The following JCAD variants were observed in gnomAD, a reference collection of about 807,000 sequenced individuals.
JCAD encodes the protein junctional cadherin 5 associated.
In JCAD, 40 loss-of-function variants were observed where a neutral mutation model predicts 98.0. That is an observed-to-expected ratio of 0.41 (90% CI 0.32 to 0.53). The LOEUF is 0.53. Ranked by LOEUF, JCAD falls within the 20% of genes least tolerant of loss-of-function variation. JCAD has a pLI of 0.31. For synonymous variants in JCAD, 691 were observed against 682.3 expected (o/e 1.01, Z -0.20); for missense variants, 1,705 against 1,738.1 (o/e 0.98, Z 0.34).
chr10:30,035,899 C>A (rs575061035), intron 2 of JCAD, among the ~76,000 whole-genome samples: 8 of 152,158 alleles, frequency 5.3e-5, no homozygotes, highest in Non-Finnish European at 1.0e-4. Flanking sequence ...GTTACACTTG[C>A]CAACAGCCCC....
At chr10:30,048,530 T>C (rs2505085) in intron 1 of JCAD, among the ~76,000 whole-genome samples, 132,324 of 152,166 alleles carry the variant, frequency 0.87, 58,026 homozygotes, top group African/African-American at 0.96. Context: ...ACACACCCAA[T>C]TCACTACACA....
At chr10:30,063,262 A>T (rs1016996882), upstream of JCAD, among the ~76,000 whole-genome samples, 5 of 152,024 alleles carry the variant, frequency 3.3e-5, no homozygotes, top group Non-Finnish European at 7.3e-5. Flanking sequence ...ATGTGCCAGG[A>T]TCCAGCCCTG....
chr10:30,040,175 G>A (rs1191554311), intron 2 of JCAD, among the ~76,000 whole-genome samples: 2 of 152,170 alleles, frequency 1.3e-5, no homozygotes, highest in Non-Finnish European at 2.9e-5. Flanking sequence ...CCTTCACAAT[G>A]CCAGGAAAGA....
chr10:30,048,813 C>A (rs2132645293), intron 1 of JCAD, among the ~76,000 whole-genome samples: 1 of 152,274 alleles, frequency 6.6e-6, no homozygotes, highest in African/African-American at 2.4e-5. Flanking sequence ...GGTAATCCAC[C>A]CGCCTCTGCC....
chr10:30,021,963 G>A (rs1836668135), intron 3 of JCAD, among the ~76,000 whole-genome samples: 1 of 152,104 alleles, frequency 6.6e-6, no homozygotes, highest in Non-Finnish European at 1.5e-5. Flanking sequence ...CCCTCATTTT[G>A]GGCCTCACAC....
chr10:30,042,906 C>G (rs1166910913), intron 2 of JCAD, among the ~76,000 whole-genome samples: 1 of 152,212 alleles, frequency 6.6e-6, no homozygotes, highest in African/African-American at 2.4e-5. Flanking sequence ...AGGGGTCCCA[C>G]AGTCAGGCTT....
In JCAD at chr10:30,017,806, G is replaced by A; in HGVS notation, c.*77C>T. ...GCTTCCAGCTTCTACATGGGGAAGT[G>A]GGGCTGATAGACTAAATCTACCAGC... On this transcript the variant is annotated 3_prime_UTR_variant, in exon 4 of 4. Transcript: ENST00000375377. 2.3e-6 allele frequency: 3 copies of A among 1,324,372 alleles called. No individual in the cohort carries two copies. In the South Asian group the frequency reaches 3.6e-5, roughly 16 times the overall value. The allele number at this position is 1,324,372 out of a possible 1,614,324, so 82.0% of individuals were successfully genotyped here. A position where few individuals can be genotyped will look rare whatever the true frequency, so the allele number is the denominator to read the frequency against.
At chr10:30,044,293 C>T (rs1306338479) in intron 2 of JCAD, among the ~76,000 whole-genome samples, 1 of 152,232 alleles carries the variant, frequency 6.6e-6, no homozygotes, top group East Asian at 1.9e-4. Context: ...TAGGTCTCCA[C>T]TATTCTGTCA....
chr10:30,033,216 G>A (rs187857224), intron 2 of JCAD, among the ~76,000 whole-genome samples: 24 of 152,306 alleles, frequency 1.6e-4, no homozygotes, highest in African/African-American at 5.8e-4. Context: ...ACTTCTTCCA[G>A]TGTAATGAAA....
intron 1 of JCAD, among the ~76,000 whole-genome samples, chr10:30,097,802 G>A (rs906157395): frequency 2.0e-5 from 3 of 151,984 alleles, no homozygotes; most frequent in Non-Finnish European, 2.9e-5. Context: ...AAAGAGACAC[G>A]GGTACAATGG....
At chr10:30,035,948 T>C (rs1167700028) in intron 2 of JCAD, among the ~76,000 whole-genome samples, 1 of 152,106 alleles carries the variant, frequency 6.6e-6, no homozygotes, top group Non-Finnish European at 1.5e-5. Flanking sequence ...GCGAAACAAC[T>C]ACTAGCAACT....
intron 2 of JCAD, chr10:30,044,744 T>A: frequency 1.0e-6 from 1 of 960,294 alleles, no homozygotes; most frequent in African/African-American, 1.8e-5. Context: ...CCAAAGCACT[T>A]TGTTTCTGAT....
chr10:30,057,719 C>T (rs1373937349), intron 1 of JCAD, among the ~76,000 whole-genome samples: 1 of 152,204 alleles, frequency 6.6e-6, no homozygotes, highest in Non-Finnish European at 1.5e-5. Context: ...AATATTTGCT[C>T]GCCCACTCCA....
intron 1 of JCAD, among the ~76,000 whole-genome samples, chr10:30,048,635 G>A (rs1466378094): frequency 1.3e-5 from 2 of 151,756 alleles, no homozygotes; most frequent in Non-Finnish European, 2.9e-5. Context: ...GCATGATCTC[G>A]ACTGCCTGCA....
chr10:30,024,828 T>C (rs1564439987), intron 3 of JCAD, among the ~76,000 whole-genome samples: 1 of 151,834 alleles, frequency 6.6e-6, no homozygotes, highest in Non-Finnish European at 1.5e-5. Context: ...CTTGAGTAGC[T>C]GAGACTACAG....
chr10:30,079,208 G>A (rs949785075), intron 1 of JCAD, among the ~76,000 whole-genome samples: 1 of 152,064 alleles, frequency 6.6e-6, no homozygotes, highest in Non-Finnish European at 1.5e-5. Context: ...TTAGCCGGGC[G>A]TGGTGGCCGG....
intron 1 of JCAD, among the ~76,000 whole-genome samples, chr10:30,114,826 A>AATAG (rs3074824): frequency 0.3 from 45,541 of 150,686 alleles, 7,043 homozygotes; most frequent in Middle Eastern, 0.35. Context: ...TTTAAAGCCG[A>AATAG]ATAGATAGAT....
chr10:30,019,054 T>A (rs1836598793), intron 3 of JCAD, among the ~76,000 whole-genome samples: 1 of 152,002 alleles, frequency 6.6e-6, no homozygotes, highest in Non-Finnish European at 1.5e-5. Context: ...TGACTGGATG[T>A]ATGGATAAAG....
chr10:30,051,411 C>A (rs1023416162), intron 1 of JCAD, among the ~76,000 whole-genome samples: 1 of 152,002 alleles, frequency 6.6e-6, no homozygotes, highest in Non-Finnish European at 1.5e-5. Context: ...CATGCAATTG[C>A]CTTGTGACCT....
Sources: allele counts gnomAD v4.1 joint callset (sites outside exome capture counted in the v4.1 genomes callset), GRCh38; gene constraint gnomAD v4.1.1; transcripts MANE v1.5; gene names NCBI Gene and HGNC (gene_info 2026-07-23, HGNC 2026-07-21).